Variants in NUBPL observed in about 807,000 individuals in gnomAD.
The protein encoded by NUBPL is NUBP iron-sulfur cluster assembly factor, mitochondrial, also known as iron-sulfur cluster transfer protein NUBPL.
A neutral mutation model predicts 45.7 loss-of-function variants in NUBPL; 31 were observed. That is an observed-to-expected ratio of 0.68 (90% CI 0.51 to 0.92). NUBPL has a LOEUF of 0.92. NUBPL is among the 40% of genes least tolerant of loss of function. The pLI is 0.00. For synonymous variants in NUBPL, 144 were observed against 140.9 expected (o/e 1.02, Z -0.15); for missense variants, 401 against 398.7 (o/e 1.01, Z -0.05).
intron 6 of NUBPL, among the ~76,000 whole-genome samples, chr14:31,693,322 A>G (rs2037133433): frequency 6.6e-6 from 1 of 152,194 alleles, no homozygotes; most frequent in Non-Finnish European, 1.5e-5. Context: ...GAGGCATGAG[A>G]AAAATACTTC....
intron 6 of NUBPL, among the ~76,000 whole-genome samples, chr14:31,692,385 A>G (rs11624477): frequency 0.74 from 112,819 of 152,140 alleles, 47,606 homozygotes; most frequent in East Asian, 0.99. Context: ...TATTGAAAAA[A>G]CCAACTTTAG....
chr14:31,818,633 C>T (rs1242650394), intron 7 of NUBPL, among the ~76,000 whole-genome samples: 2 of 152,194 alleles, frequency 1.3e-5, no homozygotes, highest in Non-Finnish European at 2.9e-5. Flanking sequence ...ACTGCAAGCT[C>T]CGCCTGCTGG....
intron 6 of NUBPL, among the ~76,000 whole-genome samples, chr14:31,758,494 C>T (rs979833385): frequency 6.6e-6 from 1 of 152,004 alleles, no homozygotes; most frequent in Non-Finnish European, 1.5e-5. Context: ...TTTAAAATAC[C>T]TGCATTTTCC....
Position 31,826,623 on chromosome 14 carries a change from G to C in NUBPL, c.608-6G>C. On this transcript the variant is annotated splice_polypyrimidine_tract_variant and splice_region_variant and intron_variant, in intron 7 of 10. Transcript: ENST00000281081. ...AGATAATAGTATTTTGTTTATCTTT[G>C]GCTAGGTGCTGTGATTGTCTCCACG... 1 of 1,612,974 alleles carries C rather than the reference G, an allele frequency of 6.2e-7. No homozygotes were observed. Among genetic ancestry groups the C allele is most frequent in the Non-Finnish European group, 8.5e-7 (1 of 1,178,986 alleles).
chr14:31,793,542 C>T (rs1257382312), intron 7 of NUBPL, among the ~76,000 whole-genome samples: 2 of 152,158 alleles, frequency 1.3e-5, no homozygotes, highest in African/African-American at 2.4e-5. Flanking sequence ...GAGGGCTAGG[C>T]TGTTTTTCTT....
intron 6 of NUBPL, among the ~76,000 whole-genome samples, chr14:31,781,457 T>G (rs947412145): frequency 2.0e-5 from 3 of 152,186 alleles, no homozygotes; most frequent in African/African-American, 7.2e-5. Context: ...TTCTAGACCT[T>G]CAAGATAAAT....
chr14:31,569,613 G>A (rs1279756745), intron 3 of NUBPL, among the ~76,000 whole-genome samples: 1 of 152,132 alleles, frequency 6.6e-6, no homozygotes, highest in African/African-American at 2.4e-5. Flanking sequence ...GCAAAATTTG[G>A]GGATCATGTG....
intron 4 of NUBPL, among the ~76,000 whole-genome samples, chr14:31,651,323 C>A (rs7145615): frequency 0.043 from 6,600 of 152,138 alleles, 461 homozygotes; most frequent in African/African-American, 0.15. Flanking sequence ...CTTGGCCTCC[C>A]AAGGTGCTGG....
intron 6 of NUBPL, among the ~76,000 whole-genome samples, chr14:31,716,984 GA>G (rs2037704271): frequency 6.6e-6 from 1 of 152,126 alleles, no homozygotes; most frequent in African/African-American, 2.4e-5. Context: ...AGCTGTAACA[GA>G]CTCTTTACCT....
intron 6 of NUBPL, among the ~76,000 whole-genome samples, chr14:31,768,839 G>C (rs897736747): frequency 2.6e-5 from 4 of 152,190 alleles, no homozygotes; most frequent in African/African-American, 4.8e-5. Flanking sequence ...GAAACACCAG[G>C]TGGTTGGGGT....
At chr14:31,798,137 C>G (rs911105910) in intron 7 of NUBPL, among the ~76,000 whole-genome samples, 1 of 152,072 alleles carries the variant, frequency 6.6e-6, no homozygotes, top group East Asian at 1.9e-4. Context: ...CCTTATCTTT[C>G]TTACCATCCT....
intron 3 of NUBPL, among the ~76,000 whole-genome samples, chr14:31,576,815 T>C (rs2033729847): frequency 1.3e-5 from 2 of 152,212 alleles, no homozygotes; most frequent in African/African-American, 4.8e-5. Context: ...TCTGGAGGCT[T>C]TTCACTCACA....
intron 3 of NUBPL, among the ~76,000 whole-genome samples, chr14:31,580,918 A>AT (rs1489081855): frequency 6.6e-6 from 1 of 152,090 alleles, no homozygotes; most frequent in Admixed American, 6.6e-5. Context: ...GGAAATTTGG[A>AT]TTTTTTTCTG....
intron 6 of NUBPL, among the ~76,000 whole-genome samples, chr14:31,717,324 C>T (rs1414260628): frequency 1.3e-5 from 2 of 152,198 alleles, no homozygotes; most frequent in Non-Finnish European, 1.5e-5. Flanking sequence ...TTAGATGTTA[C>T]TCCTTTGGGA....
intron 6 of NUBPL, among the ~76,000 whole-genome samples, chr14:31,749,805 C>T (rs1005326610): frequency 6.6e-6 from 1 of 152,020 alleles, no homozygotes; most frequent in African/African-American, 2.4e-5. Flanking sequence ...TGCCTTTTTT[C>T]ATCTCTTCTC....
intron 8 of NUBPL, 121 bp downstream of exon 8, chr14:31,826,835 A>C: frequency 1.1e-6 from 1 of 880,062 alleles, no homozygotes; most frequent in East Asian, 2.6e-5. Flanking sequence ...TGAAAGTCCT[A>C]GTTTATCATT....
intron 6 of NUBPL, among the ~76,000 whole-genome samples, chr14:31,697,555 CCAAGGTGA>C (rs1486732220): frequency 1.3e-5 from 2 of 152,094 alleles, no homozygotes; most frequent in Non-Finnish European, 2.9e-5. Flanking sequence ...TTCTGCAATG[CCAAGGTGA>C]CAAACAAAAA....
chr14:31,623,521 C>G (rs895691580), intron 4 of NUBPL, among the ~76,000 whole-genome samples: 2 of 152,126 alleles, frequency 1.3e-5, no homozygotes, highest in Admixed American at 6.6e-5. Context: ...AGGGCAGGAC[C>G]TGATGGAAGG....
At chr14:31,612,231 T>A (rs559464097) in intron 4 of NUBPL, among the ~76,000 whole-genome samples, 1 of 152,228 alleles carries the variant, frequency 6.6e-6, no homozygotes, top group Non-Finnish European at 1.5e-5. Context: ...AAAACTGCAA[T>A]TACTTTTGCA....
Sources: allele counts gnomAD v4.1 joint callset (sites outside exome capture counted in the v4.1 genomes callset), GRCh38; gene constraint gnomAD v4.1.1; transcripts MANE v1.5; gene names NCBI Gene and HGNC (gene_info 2026-07-23, HGNC 2026-07-21).